The following AKAP9 variants were observed in gnomAD, a reference collection of about 807,000 sequenced individuals.
The protein encoded by AKAP9 is A-kinase anchor protein 9.
AKAP9 carries 311 observed loss-of-function variants against 488.5 expected under a neutral mutation model. The ratio of observed to expected loss-of-function variants is 0.64; its 90% confidence interval spans 0.58 to 0.70. AKAP9 has a LOEUF of 0.70. Among genes scored for constraint, AKAP9 ranks in the 30% least tolerant of loss-of-function variants. The pLI is 0.00. For missense variants in AKAP9, 4,215 were observed against 4,374.5 expected (o/e 0.96, Z 1.03); for synonymous variants, 1,462 against 1,483.5 (o/e 0.99, Z 0.33).
rs761946454 is a variant in AKAP9 at position 92,061,296 on chromosome 7, C to T, written c.5638C>T (p.Arg1880Cys). The T allele has an allele frequency of 2.5e-5, 40 of 1,612,412 alleles. No individual in the cohort carries two copies. The highest frequency in any genetic ancestry group is 4.0e-5 in the African/African-American group (3 of 74,740). Residue 1880 changes from arginine (R) to cysteine (C), a missense_variant, in exon 23 of 50, where the codon CGT becomes TGT. By Grantham distance (180) the Arg-to-Cys change is radical (BLOSUM62 -3). Transcript: ENST00000356239. ...GAAAGTGACACAGACAGAGTTGATG[C>T]GTGAGTCATTTAGACAGAAACAAGA... ...HAKVTQTELM[R>C]ESFRQKQEAT...
chr7:92,105,743 A>T lies in AKAP9; in HGVS notation c.11396A>T (p.Asp3799Val). The part of the protein sequence containing the change: ...TGSVSININR[D>V]GFGLNQGAEK... ...TCTGTTTCCATCAATATTAACAGAG[A>T]TGGCTTTGGACTGAATCAAGGTGAA... Residue 3799 changes from aspartate (D) to valine (V), a missense_variant, in exon 47 of 50, where the codon GAT becomes GTT. Around this residue, in one of 5 missense-constraint regions of AKAP9, gnomAD observed 253 missense variants for 266.8 expected, o/e 0.95. Transcript: ENST00000356239. 1 of 1,614,086 alleles carries T rather than the reference A, an allele frequency of 6.2e-7. No individual in the cohort carries two copies. The highest frequency in any genetic ancestry group is 8.5e-7 in the Non-Finnish European group (1 of 1,179,912).
At chr7:92,066,989 A>T (rs752219689) in intron 26 of AKAP9, among the ~76,000 whole-genome samples, 4 of 152,000 alleles carry the variant, frequency 2.6e-5, no homozygotes, top group African/African-American at 9.7e-5. Flanking sequence ...CTAATATCCA[A>T]CTCTGTCTCC....
chr7:91,963,514 A>ACACG (rs1794026511), intron 1 of AKAP9, among the ~76,000 whole-genome samples: 1 of 149,606 alleles, frequency 6.7e-6, no homozygotes, highest in African/African-American at 2.5e-5. Flanking sequence ...ACACACACAC[A>ACACG]CACACACACA....
Position 92,102,698 on chromosome 7 carries a change from T to C in AKAP9, c.11202T>C (p.Asp3734=), listed in dbSNP as rs752211139. 3.7e-6 allele frequency: 6 copies of C among 1,614,122 alleles called. No individual in the cohort carries two copies. The highest frequency in any genetic ancestry group is 5.1e-6 in the Non-Finnish European group (6 of 1,180,054). ...LLLGGFQECE[D]ATLALLARMG... is the part of the protein sequence containing the mutation. ...TGGGTGGGTTCCAGGAATGTGAAGA[T>C]GCCACCTTGGCCCTGCTTGCCCGGA... The change falls in exon 46 of 50, where the codon GAT becomes GAC. Residue 3734 remains aspartate (D), a synonymous_variant. Transcript: ENST00000356239.
At chr7:92,061,194 A>G in intron 22 of AKAP9, 66 bp from the exon 23 acceptor site, 1 of 1,570,152 alleles carries the variant, frequency 6.4e-7, no homozygotes, top group African/African-American at 1.4e-5. Context: ...TCCAGCTTTA[A>G]TAGGGAATGA....
chr7:91,961,512 T>A (rs1793727104), intron 1 of AKAP9, among the ~76,000 whole-genome samples: 1 of 151,882 alleles, frequency 6.6e-6, no homozygotes, highest in South Asian at 2.1e-4. Context: ...ATTTTGAAAA[T>A]TCATTGTTTT....
chr7:92,022,767 G>A, intron 13 of AKAP9, 47 bp from the exon 14 acceptor site: 1 of 1,264,858 alleles, frequency 7.9e-7, no homozygotes, highest in Non-Finnish European at 1.1e-6. Flanking sequence ...ATTTCACTAA[G>A]AAACTTATAT....
intron 8 of AKAP9, among the ~76,000 whole-genome samples, chr7:92,009,165 A>T (rs976143925): frequency 2.8e-4 from 43 of 152,028 alleles, no homozygotes; most frequent in African/African-American, 8.9e-4. Flanking sequence ...ACAAAAAATT[A>T]AAAAATCAGC....
chr7:92,024,209 C>T (rs1277415446), intron 14 of AKAP9, among the ~76,000 whole-genome samples: 2 of 151,276 alleles, frequency 1.3e-5, no homozygotes, highest in Admixed American at 6.6e-5. Context: ...GTTAGGAGTT[C>T]GAGACCAGCC....
intron 5 of AKAP9, 121 bp downstream of exon 5, chr7:91,993,176 TTTCTTCTTCTTC>T: frequency 9.7e-7 from 1 of 1,033,184 alleles, no homozygotes; most frequent in Non-Finnish European, 1.4e-6. Flanking sequence ...TTTCTTTTCT[TTTCTTCTTCTTC>T]TTCTTCTTTT....
At position 92,097,303 on chromosome 7, in the gene AKAP9, A is replaced by G. The variant is rs373789155; in HGVS notation, c.10344A>G (p.Leu3448=). 2 of 1,613,896 alleles carry G rather than the reference A, an allele frequency of 1.2e-6. No individual in the cohort carries two copies. The highest frequency in any genetic ancestry group is 1.1e-5 in the South Asian group (1 of 91,060). Reference sequence around the variant, plus strand: ...TGCAGGAATTCCAGAAGCAAGAACTAGAACGAGAAGAAAAACGAGAAAGTA... The same window carrying G: ...TGCAGGAATTCCAGAAGCAAGAACTGGAACGAGAAGAAAAACGAGAAAGTA... ...GIMQEFQKQE[L]EREEKRESRR... is the part of the protein sequence containing the mutation. The change falls in exon 41 of 50, where the codon CTA becomes CTG. Residue 3448 remains leucine, a synonymous_variant. Transcript: ENST00000356239.
intron 28 of AKAP9, 30 bp downstream of exon 28, chr7:92,071,039 G>T (rs749413872): frequency 6.5e-7 from 1 of 1,528,244 alleles, no homozygotes; most frequent in Admixed American, 1.7e-5. Context: ...ATGACACAGC[G>T]TGGTTTGAAT....
intron 3 of AKAP9, among the ~76,000 whole-genome samples, chr7:91,990,486 A>G (rs905393606): frequency 3.3e-5 from 5 of 152,136 alleles, no homozygotes; most frequent in African/African-American, 1.2e-4. Flanking sequence ...ATTTATTAAT[A>G]TTGATAAGTT....
Position 92,085,625 on chromosome 7 carries a change from T to C in AKAP9, c.8963T>C (p.Ile2988Thr), listed in dbSNP as rs949206138. The change falls in exon 36 of 50, where the codon ATC becomes ACC. Residue 2988 changes from isoleucine (I) to threonine (T), a missense_variant. By Grantham distance (89) the Ile-to-Thr change is moderately conservative. Coordinates refer to ENST00000356239, the MANE Select transcript of AKAP9 (RefSeq NM_005751.5). ...EPWLEERKAY[I>T]NTISSLKDLI... ...TGGCTAGAAGAGAGAAAAGCTTACATCAATACAATCTCATCTCTAAAGGAT... is the reference window on the plus strand; with the variant it reads ...TGGCTAGAAGAGAGAAAAGCTTACACCAATACAATCTCATCTCTAAAGGAT... 3 of 1,613,702 alleles carry C rather than the reference T, an allele frequency of 1.9e-6. No individual in the cohort carries two copies. The highest frequency in any genetic ancestry group is 2.5e-6 in the Non-Finnish European group (3 of 1,179,918).
Position 92,108,637 on chromosome 7 carries a change from C to T in AKAP9, c.11686+4C>T, listed in dbSNP as rs767584253. 5 of 1,614,148 alleles carry T rather than the reference C, an allele frequency of 3.1e-6. No individual in the cohort carries two copies. The highest frequency in any genetic ancestry group is 4.2e-6 in the Non-Finnish European group (5 of 1,180,012). On this transcript the variant is annotated splice_donor_region_variant and intron_variant, in intron 49 of 49. Transcript: ENST00000356239. ...CGACTTGGAACTATACAGTCAGGTGCTCTGAGTTTAACCACATCTTGGCAG... is the reference window on the plus strand; with the variant it reads ...CGACTTGGAACTATACAGTCAGGTGTTCTGAGTTTAACCACATCTTGGCAG...
Position 92,093,214 on chromosome 7 carries a change from T to G in AKAP9, c.9476T>G (p.Met3159Arg). Residue 3159 changes from methionine (M) to arginine (R), a missense_variant, in exon 39 of 50, where the codon ATG becomes AGG. By Grantham distance (91) the Met-to-Arg change is moderately conservative. Transcript: ENST00000356239. ...CAGGAGCAGCTGAGTTCTGAGAAAA[T>G]GGTGGTTGCTGAACTGAAGAGTGAG... Reference protein sequence around the residue: ...ELQEQLSSEKMVVAELKSELA... With the variant: ...ELQEQLSSEKRVVAELKSELA... 6.2e-7 allele frequency: 1 copy of G among 1,613,980 alleles called. No homozygotes were observed. Among genetic ancestry groups the G allele is most frequent in the South Asian group, 1.1e-5 (1 of 91,076 alleles).
At chr7:92,063,553 A>G (rs1810263080) in intron 24 of AKAP9, 1 of 950,866 alleles carries the variant, frequency 1.1e-6, no homozygotes, top group Non-Finnish European at 1.3e-6. Flanking sequence ...TTTAAACTCC[A>G]AAATGTGGGT....
At chr7:91,998,139 C>T (rs758298371) in intron 7 of AKAP9, among the ~76,000 whole-genome samples, 41 of 152,218 alleles carry the variant, frequency 2.7e-4, no homozygotes, top group Non-Finnish European at 5.0e-4. Flanking sequence ...CAATAAGGTT[C>T]GAGCTCCTAG....
chr7:91,945,008 C>T (rs533415938), intron 1 of AKAP9, among the ~76,000 whole-genome samples: 3 of 152,014 alleles, frequency 2.0e-5, no homozygotes, highest in South Asian at 4.1e-4. Flanking sequence ...AGATTTGCTA[C>T]GACTAAGGAA....
Sources: allele counts gnomAD v4.1 joint callset (sites outside exome capture counted in the v4.1 genomes callset), GRCh38; gene constraint gnomAD v4.1.1; regional missense constraint gnomAD v4.1.1; transcripts MANE v1.5; gene names NCBI Gene and HGNC (gene_info 2026-07-23, HGNC 2026-07-21).